Variants in EIF4G3 observed in about 807,000 individuals in gnomAD.
EIF4G3 encodes the protein eIF-4-gamma 3.
A neutral mutation model predicts 186.4 loss-of-function variants in EIF4G3; 34 were observed. That is an observed-to-expected ratio of 0.18 (90% CI 0.14 to 0.24). The LOEUF is 0.24. Among genes scored for constraint, EIF4G3 ranks in the 10% least tolerant of loss-of-function variants. The pLI is 1.00. For synonymous variants in EIF4G3, 673 were observed against 679.5 expected (o/e 0.99, Z 0.15); for missense variants, 1,536 against 1,948.5 (o/e 0.79, Z 3.99).
rs566801341 is a variant in EIF4G3, at chr1:21,087,311, A to G, written c.-196+1827T>C. ...ATTTACTTCTAATATTATTAGCTTCATCCTCTAACTTTTAAATTTTCTTTC... is the reference window on the plus strand; with the variant it reads ...ATTTACTTCTAATATTATTAGCTTCGTCCTCTAACTTTTAAATTTTCTTTC... On this transcript the variant is annotated intron_variant, in intron 3 of 36. Coordinates refer to ENST00000602326, the MANE Select transcript of EIF4G3 (RefSeq NM_001391906.1). 3.9e-5 allele frequency among the ~76,000 whole-genome samples: 6 copies of G among 152,262 alleles called. No homozygotes were observed. In the South Asian group the frequency reaches 1.2e-3, roughly 31 times the overall value.
chr1:21,170,447 G>C (rs1426784348), intron 2 of EIF4G3, among the ~76,000 whole-genome samples: 2 of 151,940 alleles, frequency 1.3e-5, no homozygotes, highest in Non-Finnish European at 2.9e-5. Flanking sequence ...GAGATGGGTG[G>C]ATCACTTGAG....
chr1:21,137,820 A>G (rs2097272749), intron 2 of EIF4G3, among the ~76,000 whole-genome samples: 1 of 151,678 alleles, frequency 6.6e-6, no homozygotes, highest in Admixed American at 6.6e-5. Flanking sequence ...TGTCTCAAAA[A>G]AAAAAAAAAA....
chr1:21,024,638 A>G (rs559266110), intron 4 of EIF4G3, among the ~76,000 whole-genome samples: 2 of 150,410 alleles, frequency 1.3e-5, no homozygotes, highest in Non-Finnish European at 3.0e-5. Context: ...ACTCAGGGTT[A>G]AATGGATTAA....
chr1:20,999,809 G>A (rs1246056675), intron 6 of EIF4G3: 1 of 398,386 alleles, frequency 2.5e-6, no homozygotes. Flanking sequence ...GTCGCTGCTG[G>A]CTCATATTAA....
chr1:20,982,262 G>A, intron 8 of EIF4G3, 126 bp downstream of exon 8: 1 of 704,574 alleles, frequency 1.4e-6, no homozygotes, highest in Non-Finnish European at 2.2e-6. Flanking sequence ...AAGATTAAAA[G>A]CCTTGAAACA....
At chr1:20,882,201 ACACACACACACAC>A (rs1558058913) in intron 19 of EIF4G3, among the ~76,000 whole-genome samples, 72 of 151,910 alleles carry the variant, frequency 4.7e-4, no homozygotes, top group Middle Eastern at 6.8e-3. Context: ...ACACACACAC[ACACACACACACAC>A]AAAATCATTT....
At chr1:20,881,892 G>A (rs2082427336) in intron 19 of EIF4G3, among the ~76,000 whole-genome samples, 1 of 152,170 alleles carries the variant, frequency 6.6e-6, no homozygotes, top group Non-Finnish European at 1.5e-5. Flanking sequence ...GCCGGGTGCA[G>A]TGGCTCATGC....
At chr1:21,139,658 A>G (rs1251614900) in intron 2 of EIF4G3, among the ~76,000 whole-genome samples, 6 of 152,226 alleles carry the variant, frequency 3.9e-5, no homozygotes, top group Non-Finnish European at 8.8e-5. Flanking sequence ...ACTATATGGT[A>G]TATCTAAAAC....
intron 2 of EIF4G3, among the ~76,000 whole-genome samples, chr1:21,091,306 T>C (rs2096188690): frequency 6.6e-6 from 1 of 151,962 alleles, no homozygotes; most frequent in South Asian, 2.1e-4. Flanking sequence ...ACTATAGACA[T>C]GCGCTACCAC....
At chr1:20,929,761 A>G (rs1419453397) in intron 14 of EIF4G3, among the ~76,000 whole-genome samples, 2 of 152,210 alleles carry the variant, frequency 1.3e-5, no homozygotes, top group African/African-American at 4.8e-5. Flanking sequence ...GAGGTTAGGA[A>G]ATTCACCCAT....
At position 20,942,138 on chromosome 1, in the gene EIF4G3, G is replaced by A. The variant is rs748622861; in HGVS notation, c.1016C>T (p.Thr339Ile). 13 of 1,614,020 alleles carry A rather than the reference G, an allele frequency of 8.1e-6. No homozygotes were observed. The highest frequency in any genetic ancestry group is 8.0e-5 in the African/African-American group (6 of 74,922). ...SVARSTIAAPTSSALSSQPIF... is the reference protein window; with the variant it reads ...SVARSTIAAPISSALSSQPIF... Reference sequence around the variant, plus strand: ...TGGTTGGCTACTAAGAGCAGAAGAGGTGGGGGCTGCAATTGTACTTCGAGC... The same window carrying A: ...TGGTTGGCTACTAAGAGCAGAAGAGATGGGGGCTGCAATTGTACTTCGAGC... Residue 339 changes from threonine (T) to isoleucine (I), a missense_variant, in exon 14 of 37, where the codon ACC (threonine) becomes ATC (isoleucine). This residue lies in a region of EIF4G3 where 560 missense variants were observed against 547.8 expected (regional missense o/e 1.02). Transcript: ENST00000602326.
intron 3 of EIF4G3, among the ~76,000 whole-genome samples, 186 bp from the exon 4 acceptor site, chr1:21,051,180 A>G (rs563741740): frequency 6.6e-6 from 1 of 152,362 alleles, no homozygotes; most frequent in South Asian, 2.1e-4. Context: ...AAATATATAC[A>G]TGAATATTCT....
At chr1:21,174,647 C>T (rs1471511825) in intron 2 of EIF4G3, 2 of 152,218 alleles carry the variant, frequency 1.3e-5, no homozygotes, top group African/African-American at 2.4e-5. Flanking sequence ...ACACTGAACT[C>T]TGCCTTTAAG....
chr1:21,058,717 CTCTTTTTTTTTT>C (rs2094706647), intron 3 of EIF4G3, among the ~76,000 whole-genome samples: 1 of 104,620 alleles, frequency 9.6e-6, no homozygotes, highest in African/African-American at 4.1e-5. Flanking sequence ...CTCTCTCTCT[CTCTTTTTTTTTT>C]TTTTTTTTTT....
chr1:21,123,092 T>C (rs1413177038), intron 2 of EIF4G3, among the ~76,000 whole-genome samples: 1 of 152,142 alleles, frequency 6.6e-6, no homozygotes, highest in African/African-American at 2.4e-5. Flanking sequence ...TAATGGTAAA[T>C]TATCAAAATA....
At chr1:20,878,648 A>G (rs1028916636) in intron 20 of EIF4G3, among the ~76,000 whole-genome samples, 8 of 152,194 alleles carry the variant, frequency 5.3e-5, no homozygotes, top group Non-Finnish European at 5.9e-5. Flanking sequence ...AAAAAATCCA[A>G]ATGTTAAAGG....
intron 3 of EIF4G3, among the ~76,000 whole-genome samples, chr1:21,052,565 C>CCACGG (rs1161321218): frequency 2.6e-5 from 4 of 151,830 alleles, no homozygotes; most frequent in East Asian, 1.9e-4. Flanking sequence ...CCTCCTCTCC[C>CCACGG]TCTCCCTCTC....
intron 2 of EIF4G3, among the ~76,000 whole-genome samples, chr1:21,107,009 T>C (rs1229656674): frequency 1.3e-5 from 2 of 152,164 alleles, no homozygotes; most frequent in South Asian, 2.1e-4. Context: ...ATACAATATA[T>C]TGCTAAAATT....
At chr1:21,166,983 T>C (rs184400709) in intron 2 of EIF4G3, among the ~76,000 whole-genome samples, 1 of 152,122 alleles carries the variant, frequency 6.6e-6, no homozygotes, top group Non-Finnish European at 1.5e-5. Flanking sequence ...GGTTTTGTCA[T>C]GTCATCCAGG....
Sources: allele counts gnomAD v4.1 joint callset (sites outside exome capture counted in the v4.1 genomes callset), GRCh38; gene constraint gnomAD v4.1.1; regional missense constraint gnomAD v4.1.1; transcripts MANE v1.5; gene names NCBI Gene and HGNC (gene_info 2026-07-23, HGNC 2026-07-21).